The following RAB11FIP4 variants were observed in gnomAD, a reference collection of about 807,000 sequenced individuals.
RAB11FIP4 encodes RAB11 family interacting protein 4, also known as rab11 family-interacting protein 4.
RAB11FIP4 carries 23 observed loss-of-function variants against 74.3 expected under a neutral mutation model. The ratio of observed to expected loss-of-function variants is 0.31; its 90% CI spans 0.22 to 0.44. The LOEUF is 0.44. Among genes scored for constraint, RAB11FIP4 ranks in the 20% least tolerant of loss-of-function variants. The probability of loss-of-function intolerance (pLI) is 1.00; values close to 1 mark genes in which losing one functional copy is unlikely to be tolerated. For missense variants in RAB11FIP4, 630 were observed against 863.9 expected, an observed-to-expected ratio of 0.73 and a Z score of 3.39; for synonymous variants, 360 against 359.9, an observed-to-expected ratio of 1.00 and a Z score of 0.00.
intron 2 of RAB11FIP4, among the ~76,000 whole-genome samples, chr17:31,432,395 G>A (rs1231495880): frequency 4.1e-5 from 6 of 145,680 alleles, no homozygotes; most frequent in East Asian, 2.0e-4. Context: ...TGGCTTTGTC[G>A]CCCAGGCTAC....
chr17:31,537,411 C>T lies in RAB11FIP4; in HGVS notation c.*5679C>T, dbSNP rs1010376910. ...GGGGGCTAGGACCCACTTAGTCCCT[C>T]CTCCAGCCTGCAGCTAATTTAGGAG... On this transcript the variant is annotated 3_prime_UTR_variant, in exon 15 of 15. Coordinates refer to ENST00000621161, the MANE Select transcript of RAB11FIP4 (RefSeq NM_032932.6). 4.8e-5 allele frequency: 19 copies of T among 393,450 alleles called. No individual in the cohort carries two copies. Among genetic ancestry groups the T allele is most frequent in the African/African-American group, 8.2e-5 (4 of 48,540 alleles). The allele number at this position is 393,450 out of a possible 1,614,324, so 24.4% of individuals were successfully genotyped here.
chr17:31,404,797 A>G (rs2071027776), intron 1 of RAB11FIP4, among the ~76,000 whole-genome samples: 2 of 152,148 alleles, frequency 1.3e-5, no homozygotes, highest in East Asian at 3.9e-4. Flanking sequence ...TGGCTGAGGC[A>G]TGAAGATAGG....
intron 3 of RAB11FIP4, among the ~76,000 whole-genome samples, chr17:31,492,638 A>G (rs992665142): frequency 3.3e-5 from 5 of 151,872 alleles, no homozygotes; most frequent in Admixed American, 2.0e-4. Context: ...ATTTGGAGCT[A>G]TTTTCTCATT....
chr17:31,396,199 AAAAG>A (rs2070928853), intron 1 of RAB11FIP4, among the ~76,000 whole-genome samples: 8 of 102,026 alleles, frequency 7.8e-5, no homozygotes, highest in African/African-American at 2.4e-4. Flanking sequence ...AAAAAAAAAG[AAAAG>A]AAAAGAAAAG....
intron 1 of RAB11FIP4, among the ~76,000 whole-genome samples, chr17:31,401,363 C>T (rs2070984274): frequency 6.6e-6 from 1 of 152,198 alleles, no homozygotes; most frequent in Non-Finnish European, 1.5e-5. Flanking sequence ...CACCAATTCC[C>T]TGCAACCTGT....
At chr17:31,436,998 G>A (rs1465492577) in intron 3 of RAB11FIP4, among the ~76,000 whole-genome samples, 1 of 151,796 alleles carries the variant, frequency 6.6e-6, no homozygotes, top group African/African-American at 2.4e-5. Flanking sequence ...CACCATGTTA[G>A]CCAGGATGGT....
At chr17:31,393,117 G>T (rs929383930) in intron 1 of RAB11FIP4, among the ~76,000 whole-genome samples, 1 of 152,230 alleles carries the variant, frequency 6.6e-6, no homozygotes, top group Non-Finnish European at 1.5e-5. Flanking sequence ...GGCATGGGCC[G>T]GGACTTGTGA....
rs554200909 is a variant in RAB11FIP4, at chr17:31,499,465, C to T, written c.337-18186C>T. ...CCTACTCCCTGGTTCAAGCGATTCT[C>T]CTGCCTCCGCCTCCCGAGTAGCTGG... is the stretch of plus-strand genomic sequence containing the variant. On this transcript the variant is annotated intron_variant, in intron 3 of 14. Transcript: ENST00000621161. 3.9e-5 allele frequency among the ~76,000 whole-genome samples: 6 copies of T among 152,288 alleles called. No individual in the cohort carries two copies. The East Asian group carries it at 1.2e-3, about 29-fold the overall frequency.
At chr17:31,481,174 T>C (rs1284364752) in intron 3 of RAB11FIP4, among the ~76,000 whole-genome samples, 1 of 152,208 alleles carries the variant, frequency 6.6e-6, no homozygotes. Context: ...CACCCACTGT[T>C]GTCAGCAAGC....
rs555165982 is a variant in RAB11FIP4 at position 31,480,118 on chromosome 17, T to C, written c.337-37533T>C. Among the ~76,000 whole-genome samples, 14 of 152,262 alleles carry C rather than the reference T, an allele frequency of 9.2e-5. No homozygotes were observed. The East Asian group carries it at 2.5e-3, about 27-fold the overall frequency. On this transcript the variant is annotated intron_variant, in intron 3 of 14. Coordinates refer to ENST00000621161, the MANE Select transcript of RAB11FIP4 (RefSeq NM_032932.6). Reference sequence around the variant, plus strand: ...AGCCAATATGTGGCAGATCCAGGCCTCAAATCCAGGTCTTCTGGCCCTGAG... The same window carrying C: ...AGCCAATATGTGGCAGATCCAGGCCCCAAATCCAGGTCTTCTGGCCCTGAG...
In RAB11FIP4 at chr17:31,525,132, G is replaced by A. The variant is rs534139326; in HGVS notation, c.1176G>A (p.Thr392=). Residue 392 remains threonine, a synonymous_variant, in exon 10 of 15, where the codon ACG becomes ACA. Transcript: ENST00000621161. The part of the protein sequence containing the change: ...LEEMVKDQET[T]AEQALEEEAR... ...AGATGGTGAAGGATCAGGAGACCACGGCCGAGCAGGCTCTGGAGGAGGAGG... is the reference window on the plus strand; with the variant it reads ...AGATGGTGAAGGATCAGGAGACCACAGCCGAGCAGGCTCTGGAGGAGGAGG... 315 of 1,550,196 alleles carry A rather than the reference G, an allele frequency of 2.0e-4. 3 individuals are homozygous for A. The South Asian group carries it at 3.3e-3, about 16-fold the overall frequency.
intron 3 of RAB11FIP4, among the ~76,000 whole-genome samples, chr17:31,498,861 G>A (rs763830014): frequency 2.0e-5 from 3 of 152,214 alleles, no homozygotes; most frequent in Non-Finnish European, 4.4e-5. Context: ...TTTGAGTGAA[G>A]TGTTTTTATC....
chr17:31,530,319 T>C lies in RAB11FIP4; in HGVS notation c.1654-7T>C. 6.2e-7 allele frequency: 1 copy of C among 1,613,710 alleles called. No individual in the cohort carries two copies. Among genetic ancestry groups the C allele is most frequent in the Non-Finnish European group, 8.5e-7 (1 of 1,179,730 alleles). On this transcript the variant is annotated splice_region_variant and splice_polypyrimidine_tract_variant and intron_variant, in intron 13 of 14. Coordinates refer to ENST00000621161, the MANE Select transcript of RAB11FIP4 (RefSeq NM_032932.6). ...GGTTGATGTCGCCTTCGTCCTTCTCTCTGTAGGAGAATTATAAGCTGCGGG... is the reference window on the plus strand; with the variant it reads ...GGTTGATGTCGCCTTCGTCCTTCTCCCTGTAGGAGAATTATAAGCTGCGGG...
intron 1 of RAB11FIP4, among the ~76,000 whole-genome samples, chr17:31,406,240 C>T (rs2071040518): frequency 1.3e-5 from 2 of 152,252 alleles, no homozygotes; most frequent in Admixed American, 1.3e-4. Flanking sequence ...GCACCTCCCT[C>T]AGTACCACTG....
intron 3 of RAB11FIP4, among the ~76,000 whole-genome samples, chr17:31,456,951 G>T (rs757045): frequency 1.3e-5 from 2 of 152,120 alleles, no homozygotes; most frequent in Admixed American, 6.5e-5. Context: ...AAGCCGAAAG[G>T]GTTGTTCTTT....
chr17:31,497,979 C>T (rs1286744120), intron 3 of RAB11FIP4, among the ~76,000 whole-genome samples: 2 of 152,268 alleles, frequency 1.3e-5, no homozygotes, highest in East Asian at 3.9e-4. Context: ...TAAGAAGCAG[C>T]ATGTGCTGAG....
At chr17:31,522,460 C>T in intron 7 of RAB11FIP4, 65 bp downstream of exon 7, 4 of 1,537,802 alleles carry the variant, frequency 2.6e-6, no homozygotes, top group Non-Finnish European at 3.6e-6. Flanking sequence ...GGCCGGGGCT[C>T]CCTGCCAGCA....
At chr17:31,529,870 G>A (rs752539371) in intron 13 of RAB11FIP4, among the ~76,000 whole-genome samples, 35 of 152,310 alleles carry the variant, frequency 2.3e-4, no homozygotes, top group African/African-American at 6.3e-4. Flanking sequence ...GTGTGAGACC[G>A]GTGCATGGGA....
intron 1 of RAB11FIP4, among the ~76,000 whole-genome samples, chr17:31,397,474 C>A (rs1007310457): frequency 6.6e-6 from 1 of 152,216 alleles, no homozygotes; most frequent in Non-Finnish European, 1.5e-5. Flanking sequence ...ACCAGGCAAC[C>A]TCTATGTGCC....
Sources: allele counts gnomAD v4.1 joint callset (sites outside exome capture counted in the v4.1 genomes callset), GRCh38; gene constraint gnomAD v4.1.1; transcripts MANE v1.5; gene names NCBI Gene and HGNC (gene_info 2026-07-23, HGNC 2026-07-21).